PRMT8: variants seen among roughly 807,000 people sequenced by gnomAD.
The protein encoded by PRMT8 is protein arginine N-methyltransferase 8.
In PRMT8, 7 loss-of-function variants were observed where a neutral mutation model predicts 47.1. The observed-to-expected ratio is 0.15, with a 90% CI of 0.08 to 0.28. PRMT8 has a LOEUF of 0.28. PRMT8 is among the 10% of genes least tolerant of loss of function. PRMT8 has a pLI of 1.00. For synonymous variants in PRMT8, 188 were observed against 186.5 expected, an observed-to-expected ratio of 1.01 and a Z score of -0.07; for missense variants, 237 against 505.4, an observed-to-expected ratio of 0.47 and a Z score of 5.09.
intron 1 of PRMT8, among the ~76,000 whole-genome samples, chr12:3,522,465 A>C (rs1228192567): frequency 2.0e-5 from 3 of 152,072 alleles, no homozygotes; most frequent in Non-Finnish European, 4.4e-5. Flanking sequence ...GGAGTTCGAG[A>C]CCAGCCTGGC....
rs2137081856 is a variant in PRMT8, at chr12:3,453,339, C to G, written c.48+71897C>G. On this transcript the variant is annotated intron_variant, in intron 1 of 9. Transcript: ENST00000452611. This position sits in a 1 kb window ranked among gnomAD's most constrained non-coding sequence, Gnocchi z 4.9. Reference sequence around the variant, plus strand: ...TGGGCCTCGGGCCCCAGTGTTGAGTCTGGCAGCAGATCCCCAAGGGGTAGA... The same window carrying G: ...TGGGCCTCGGGCCCCAGTGTTGAGTGTGGCAGCAGATCCCCAAGGGGTAGA... Among the ~76,000 whole-genome samples, 1 of 152,286 alleles carries G rather than the reference C, an allele frequency of 6.6e-6. No individual in the cohort carries two copies. The highest frequency in any genetic ancestry group is 2.1e-4 in the South Asian group (1 of 4,818).
At chr12:3,398,179 T>C (rs913596788) in intron 1 of PRMT8, among the ~76,000 whole-genome samples, 1 of 152,200 alleles carries the variant, frequency 6.6e-6, no homozygotes, top group African/African-American at 2.4e-5. Flanking sequence ...GCGTCGCTCA[T>C]GCTGTGAGCT....
At chr12:3,476,207 C>T (rs1437381760) in intron 1 of PRMT8, among the ~76,000 whole-genome samples, 1 of 152,128 alleles carries the variant, frequency 6.6e-6, no homozygotes, top group Non-Finnish European at 1.5e-5. Context: ...GTGGTTTAGG[C>T]CAGACACACA....
intron 1 of PRMT8, among the ~76,000 whole-genome samples, chr12:3,462,286 C>T (rs529411851): frequency 1.3e-5 from 2 of 152,120 alleles, no homozygotes; most frequent in South Asian, 4.1e-4. Context: ...GACATGGAAT[C>T]AACCTAAATG....
At chr12:3,460,393 T>C (rs971887956) in intron 1 of PRMT8, among the ~76,000 whole-genome samples, 2 of 152,190 alleles carry the variant, frequency 1.3e-5, no homozygotes, top group Admixed American at 6.5e-5. Flanking sequence ...GGCTTCTAAG[T>C]TTGCTTTTCA....
At chr12:3,549,189 T>C (rs1866375966) in intron 2 of PRMT8, among the ~76,000 whole-genome samples, 1 of 152,208 alleles carries the variant, frequency 6.6e-6, no homozygotes, top group African/African-American at 2.4e-5. Context: ...TTGGTTATGG[T>C]GGTGCTTACA....
chr12:3,519,324 A>G (rs1369658935), intron 1 of PRMT8, among the ~76,000 whole-genome samples: 1 of 152,230 alleles, frequency 6.6e-6, no homozygotes, highest in Non-Finnish European at 1.5e-5. Context: ...GGGGAGAAAA[A>G]TAATGGAAAA....
chr12:3,427,114 T>C (rs996672120), intron 1 of PRMT8, among the ~76,000 whole-genome samples: 2 of 152,244 alleles, frequency 1.3e-5, no homozygotes, highest in African/African-American at 2.4e-5. Context: ...ATTAGTTTTT[T>C]AGACCAAAGA....
At chr12:3,573,209 T>C (rs1237450848) in intron 6 of PRMT8, among the ~76,000 whole-genome samples, 1 of 152,226 alleles carries the variant, frequency 6.6e-6, no homozygotes, top group Admixed American at 6.5e-5. Context: ...TTTGGATCAT[T>C]TTTATTGCCC....
Position 3,570,884 on chromosome 12 carries a change from G to C in PRMT8, c.712+1320G>C, listed in dbSNP as rs1462538575. ...CTATTTGACCTCCTGGGGGAAGGAG[G>C]CAAAATACCAAATGAGGACAGTGAG... On this transcript the variant is annotated intron_variant, in intron 6 of 9. Transcript: ENST00000382622. This position sits in a 1 kb window ranked among gnomAD's most constrained non-coding sequence, Gnocchi z 5.5. Among the ~76,000 whole-genome samples, 1 of 152,176 alleles carries C rather than the reference G, an allele frequency of 6.6e-6. No homozygotes were observed. The highest frequency in any genetic ancestry group is 1.5e-5 in the Non-Finnish European group (1 of 68,030).
intron 1 of PRMT8, among the ~76,000 whole-genome samples, chr12:3,528,060 T>C (rs1865973230): frequency 6.6e-6 from 1 of 152,154 alleles, no homozygotes; most frequent in Admixed American, 6.5e-5. Context: ...CATCCCCCTC[T>C]ACCCCTGCCA....
intron 1 of PRMT8, among the ~76,000 whole-genome samples, chr12:3,528,232 G>A (rs541687082): frequency 7.0e-4 from 107 of 152,208 alleles, no homozygotes; most frequent in African/African-American, 2.1e-3. Context: ...CTCTAAAGCC[G>A]TATTTCTTTA....
intron 1 of PRMT8, among the ~76,000 whole-genome samples, chr12:3,396,319 A>G (rs1297851844): frequency 6.6e-6 from 1 of 152,120 alleles, no homozygotes; most frequent in Non-Finnish European, 1.5e-5. Flanking sequence ...GATGGTCTTT[A>G]CATTTTGGCA....
At chr12:3,434,526 A>G (rs765692029) in intron 1 of PRMT8, among the ~76,000 whole-genome samples, 3 of 152,174 alleles carry the variant, frequency 2.0e-5, no homozygotes, top group East Asian at 3.8e-4. Flanking sequence ...CACACACCAT[A>G]AAATGGCACA....
intron 1 of PRMT8, among the ~76,000 whole-genome samples, chr12:3,522,366 T>G (rs2137142690): frequency 6.6e-6 from 1 of 152,056 alleles, no homozygotes; most frequent in South Asian, 2.1e-4. Flanking sequence ...AATTACCACT[T>G]AAAGAAAAAC....
chr12:3,587,973 A>G (rs1355302139), intron 8 of PRMT8, among the ~76,000 whole-genome samples: 1 of 152,090 alleles, frequency 6.6e-6, no homozygotes, highest in Non-Finnish European at 1.5e-5. Flanking sequence ...CCCCACCACA[A>G]CACATCCTCA....
intron 1 of PRMT8, among the ~76,000 whole-genome samples, chr12:3,410,459 C>A (rs1456763317): frequency 6.6e-6 from 1 of 152,120 alleles, no homozygotes; most frequent in Admixed American, 6.6e-5. Context: ...TAACTATGAC[C>A]CTTGCATTTT....
chr12:3,590,732 CA>C (rs1435191516), intron 8 of PRMT8, among the ~76,000 whole-genome samples: 3 of 151,944 alleles, frequency 2.0e-5, no homozygotes, highest in Non-Finnish European at 2.9e-5. Flanking sequence ...CTGTAGATTC[CA>C]AAGGCCCCCA....
At chr12:3,537,665 T>C (rs1866142684) in intron 1 of PRMT8, among the ~76,000 whole-genome samples, 1 of 152,226 alleles carries the variant, frequency 6.6e-6, no homozygotes, top group East Asian at 1.9e-4. Context: ...ACCATTTCCC[T>C]AGTCACCCAG....
Sources: gnomAD v4.1 joint callset for allele counts (sites outside exome capture counted in the v4.1 genomes callset) on GRCh38, gnomAD v4.1.1 for gene constraint, Gnocchi (gnomAD v3.1) non-coding constraint, MANE v1.5 for transcripts, NCBI Gene and HGNC (gene_info 2026-07-23, HGNC 2026-07-21) for gene names.